The following GAS7 variants were observed in gnomAD, a reference collection of about 807,000 sequenced individuals.
GAS7 encodes growth arrest-specific protein 7.
In GAS7, 28 loss-of-function variants were observed where a neutral mutation model predicts 71.1. The ratio of observed to expected loss-of-function variants is 0.39; its 90% CI spans 0.29 to 0.54. The LOEUF (loss-of-function observed/expected upper bound fraction) is 0.54. Among genes scored for constraint, GAS7 ranks in the 20% least tolerant of loss-of-function variants. GAS7 has a pLI of 0.62. For synonymous variants in GAS7, 258 were observed against 245.8 expected, an observed-to-expected ratio of 1.05 and a Z score of -0.46; for missense variants, 436 against 627.8, an observed-to-expected ratio of 0.69 and a Z score of 3.27.
intron 1 of GAS7, among the ~76,000 whole-genome samples, chr17:10,169,562 T>A (rs531723552): frequency 6.6e-6 from 1 of 152,326 alleles, no homozygotes; most frequent in South Asian, 2.1e-4. Flanking sequence ...AATGTCCCGA[T>A]GACTCCATGG....
intron 1 of GAS7, chr17:10,036,435 A>C: frequency 6.2e-7 from 1 of 1,609,810 alleles, no homozygotes; most frequent in Non-Finnish European, 8.5e-7. Context: ...AATTCTTACC[A>C]TCAGAGAACA....
intron 6 of GAS7, among the ~76,000 whole-genome samples, chr17:9,944,071 T>C (rs974136501): frequency 7.9e-5 from 12 of 152,256 alleles, no homozygotes; most frequent in African/African-American, 2.9e-4. Context: ...CCAATTAATT[T>C]TGCAAACAAA....
chr17:10,140,770 G>T (rs956969839), intron 1 of GAS7, among the ~76,000 whole-genome samples: 3 of 152,202 alleles, frequency 2.0e-5, no homozygotes, highest in Non-Finnish European at 4.4e-5. Context: ...GCTGGAGATG[G>T]AATGCTGAAG....
intron 2 of GAS7, among the ~76,000 whole-genome samples, chr17:10,001,507 G>A (rs1161690809): frequency 6.6e-6 from 1 of 152,190 alleles, no homozygotes; most frequent in East Asian, 1.9e-4. Flanking sequence ...GGAAAAAAGG[G>A]AAGTGGAGGC....
At chr17:9,943,277 G>A (rs759670116) in intron 6 of GAS7, 41 bp from the exon 7 acceptor site, 1 of 1,157,384 alleles carries the variant, frequency 8.6e-7, no homozygotes. Context: ...GGGCACGTCT[G>A]AGTCTGGAGC....
At position 10,198,460 on chromosome 17, in the gene GAS7, G is replaced by T; in HGVS notation, c.-70C>A. 8.2e-7 allele frequency: 1 copy of T among 1,219,804 alleles called. No homozygotes were observed. Among genetic ancestry groups the T allele is most frequent in the Non-Finnish European group, 1.1e-6 (1 of 937,606 alleles). The allele number at this position is 1,219,804 out of a possible 1,614,324, so 75.6% of individuals were successfully genotyped here. On this transcript the variant is annotated 5_prime_UTR_variant, in exon 1 of 14. Coordinates refer to ENST00000432992, the MANE Select transcript of GAS7 (RefSeq NM_201433.2). The stretch of plus-strand genomic sequence containing the variant: ...GCCCCACGGGCTGGGCAGCGGCTCC[G>T]CGGGGTCCCAGGCGCCCGGCGCTCC...
Position 9,981,470 on chromosome 17 carries a change from A to C in GAS7, c.385+334T>G, listed in dbSNP as rs1407955319. On this transcript the variant is annotated intron_variant, in intron 3 of 13. Coordinates refer to ENST00000432992, the MANE Select transcript of GAS7 (RefSeq NM_201433.2). The surrounding 1 kb of genome is among the most constrained non-coding windows in gnomAD (Gnocchi z 4.4). The stretch of plus-strand genomic sequence containing the variant: ...TTTTAGCTTCTACTCCGTGATGTCC[A>C]CAAGAGCCACATAGGGTGGTTCTGT... Among the ~76,000 whole-genome samples, 1 of 152,176 alleles carries C rather than the reference A, an allele frequency of 6.6e-6. No homozygotes were observed. The highest frequency in any genetic ancestry group is 2.4e-5 in the African/African-American group (1 of 41,450).
chr17:10,008,058 G>A (rs1030892009), intron 2 of GAS7, among the ~76,000 whole-genome samples: 12 of 152,166 alleles, frequency 7.9e-5, no homozygotes, highest in Admixed American at 7.2e-4. Context: ...GTATCAGCCA[G>A]CACCTTCATT....
intron 1 of GAS7, among the ~76,000 whole-genome samples, chr17:10,056,162 C>A (rs1370023090): frequency 6.6e-6 from 1 of 151,916 alleles, no homozygotes; most frequent in Non-Finnish European, 1.5e-5. Context: ...AGTTTGAGAC[C>A]AGTCTGGGCA....
intron 1 of GAS7, among the ~76,000 whole-genome samples, chr17:10,053,519 C>A (rs1439664769): frequency 6.6e-6 from 1 of 152,130 alleles, no homozygotes; most frequent in Non-Finnish European, 1.5e-5. Context: ...CCTGGAGAAG[C>A]CCTTGTTTGT....
rs189169957 is a variant in GAS7, at chr17:9,931,912, G to A, written c.885+2254C>T. Among the ~76,000 whole-genome samples the A allele has an allele frequency of 2.0e-5, 3 of 151,774 alleles. No homozygotes were observed. The East Asian group carries it at 5.8e-4, about 29-fold the overall frequency. ...CCTTCTGTGTGCCGAGTACCACCACGGGGTACATCGTATGGGATCCCAAAG... is the reference window on the plus strand; with the variant it reads ...CCTTCTGTGTGCCGAGTACCACCACAGGGTACATCGTATGGGATCCCAAAG... On this transcript the variant is annotated intron_variant, in intron 9 of 13. Coordinates refer to ENST00000432992, the MANE Select transcript of GAS7 (RefSeq NM_201433.2).
intron 1 of GAS7, among the ~76,000 whole-genome samples, chr17:10,106,782 C>CG (rs2073760958): frequency 2.0e-3 from 1 of 504 alleles, no homozygotes; most frequent in African/African-American, 0.013. Flanking sequence ...TTGAAAGTGC[C>CG]CCCCCCCCCA....
At chr17:9,936,569 T>C (rs1446314714) in intron 8 of GAS7, among the ~76,000 whole-genome samples, 2 of 152,288 alleles carry the variant, frequency 1.3e-5, no homozygotes, top group Admixed American at 1.3e-4. Flanking sequence ...GAGGGGCCCC[T>C]CTGAGCCAGT....
intron 1 of GAS7, among the ~76,000 whole-genome samples, chr17:10,112,930 T>C (rs148428227): frequency 0.01 from 1,523 of 152,182 alleles, 13 homozygotes; most frequent in Middle Eastern, 0.045. Flanking sequence ...TTGCAAAGGA[T>C]TCTTTCCCTT....
intron 1 of GAS7, among the ~76,000 whole-genome samples, chr17:10,192,541 C>T (rs2142156296): frequency 6.6e-6 from 1 of 152,282 alleles, no homozygotes; most frequent in Middle Eastern, 3.4e-3. Flanking sequence ...ACGTGAAGGT[C>T]AGCCTCTCAT....
At chr17:10,048,609 T>C (rs1273677155) in intron 1 of GAS7, among the ~76,000 whole-genome samples, 1 of 152,230 alleles carries the variant, frequency 6.6e-6, no homozygotes, top group African/African-American at 2.4e-5. Flanking sequence ...GGGTATTCAA[T>C]AAATATTTGC....
At chr17:10,059,081 G>A (rs897991238) in intron 1 of GAS7, among the ~76,000 whole-genome samples, 4 of 152,198 alleles carry the variant, frequency 2.6e-5, no homozygotes, top group African/African-American at 9.7e-5. Flanking sequence ...GCACAAACGT[G>A]GCATGCATGA....
chr17:10,161,380 A>C (rs1175021856), intron 1 of GAS7, among the ~76,000 whole-genome samples: 1 of 152,144 alleles, frequency 6.6e-6, no homozygotes, highest in Non-Finnish European at 1.5e-5. Flanking sequence ...CCAATAGTTC[A>C]CTCATTTTCC....
intron 1 of GAS7, among the ~76,000 whole-genome samples, chr17:10,181,916 T>C (rs2074419760): frequency 6.6e-6 from 1 of 152,078 alleles, no homozygotes; most frequent in Non-Finnish European, 1.5e-5. Context: ...TTATAACACA[T>C]TGGCATGCTA....
Sources: gnomAD v4.1 joint callset for allele counts (sites outside exome capture counted in the v4.1 genomes callset) on GRCh38, gnomAD v4.1.1 for gene constraint, Gnocchi (gnomAD v3.1) non-coding constraint, MANE v1.5 for transcripts, NCBI Gene and HGNC (gene_info 2026-07-23, HGNC 2026-07-21) for gene names.